PHC3: variants seen among roughly 807,000 people sequenced by gnomAD.
PHC3 encodes the protein polyhomeotic homolog 3, also known as polyhomeotic-like protein 3.
PHC3 carries 13 observed loss-of-function variants against 107.4 expected under a neutral mutation model. The ratio of observed to expected loss-of-function variants is 0.12; its 90% CI spans 0.08 to 0.19. The LOEUF is 0.19. PHC3 is among the 10% of genes least tolerant of loss of function. The pLI is 1.00. For missense variants in PHC3, 992 were observed against 1,210.9 expected (o/e 0.82, Z 2.68); for synonymous variants, 456 against 427.4 (o/e 1.07, Z -0.83).
intron 9 of PHC3, among the ~76,000 whole-genome samples, chr3:170,121,513 A>T (rs1394772200): frequency 6.6e-6 from 1 of 152,182 alleles, no homozygotes; most frequent in African/African-American, 2.4e-5. Context: ...AGTGAATAAG[A>T]ATTTGAATGG....
intron 14 of PHC3, among the ~76,000 whole-genome samples, chr3:170,099,788 C>T (rs1025374116): frequency 8.5e-5 from 13 of 152,120 alleles, no homozygotes; most frequent in African/African-American, 3.1e-4. Flanking sequence ...ATAAACAAGT[C>T]CCAATACTGA....
chr3:170,167,756 T>C (rs1728951626), intron 4 of PHC3, among the ~76,000 whole-genome samples: 1 of 97,970 alleles, frequency 1.0e-5, no homozygotes, highest in Non-Finnish European at 2.2e-5. Context: ...CAAGGCTTCA[T>C]CTCAAAAAAA....
At chr3:170,152,667 CTT>C (rs764287369) in intron 4 of PHC3, among the ~76,000 whole-genome samples, 1 of 144,304 alleles carries the variant, frequency 6.9e-6, no homozygotes, top group Admixed American at 6.9e-5. Flanking sequence ...CACTTTTCTT[CTT>C]TTTTTTTTTG....
chr3:170,146,540 T>C (rs1162817561), intron 5 of PHC3, among the ~76,000 whole-genome samples: 2 of 146,864 alleles, frequency 1.4e-5, no homozygotes, highest in East Asian at 2.0e-4. Flanking sequence ...TTTTTCTTTT[T>C]TTTTTTTTTT....
At chr3:170,168,456 CCAAA>C (rs1432917592) in intron 4 of PHC3, among the ~76,000 whole-genome samples, 1 of 152,038 alleles carries the variant, frequency 6.6e-6, no homozygotes, top group Non-Finnish European at 1.5e-5. Context: ...AGTTTTAGAG[CCAAA>C]CAATCATAAA....
rs1713632966 is a variant in PHC3 at position 170,087,708 on chromosome 3, A to AT, written c.*9521dup. ...CCACTAATCTTCCATCCAGACCCAC[A>AT]TGAAGCAATGTTACAACAATATTCT... On this transcript the variant is annotated 3_prime_UTR_variant, in exon 15 of 15. Coordinates refer to ENST00000495893, the MANE Select transcript of PHC3 (RefSeq NM_024947.4). 2 of 152,208 alleles carry AT rather than the reference A, an allele frequency of 1.3e-5. No individual in the cohort carries two copies. The allele number at this position is 152,208 out of a possible 1,614,324, so 9.4% of individuals were successfully genotyped here.
intron 9 of PHC3, among the ~76,000 whole-genome samples, chr3:170,118,699 C>T (rs1719544219): frequency 6.6e-6 from 1 of 152,072 alleles, no homozygotes; most frequent in Admixed American, 6.6e-5. Context: ...GCGTGAGCCA[C>T]TCACCATGCC....
At chr3:170,105,964 C>A (rs1383086945) in intron 12 of PHC3, among the ~76,000 whole-genome samples, 1 of 152,162 alleles carries the variant, frequency 6.6e-6, no homozygotes, top group Non-Finnish European at 1.5e-5. Flanking sequence ...GTAATCCCAG[C>A]ACTTTGGGAG....
In PHC3 at chr3:170,102,593, G is replaced by A. The variant is rs756993639; in HGVS notation, c.2719C>T (p.Arg907Trp). The A allele has an allele frequency of 5.0e-6, 8 of 1,613,912 alleles. No homozygotes were observed. The highest frequency in any genetic ancestry group is 4.4e-5 in the South Asian group (4 of 91,088). ...QSEREREREL[R>W]DVRIRKMPEN... is the part of the protein sequence containing the mutation. ...GGCATTTTCCGAATTCTCACATCCC[G>A]AAGCTCACGTTCTCTTTCCCGCTCG... is the stretch of plus-strand genomic sequence containing the variant. The change falls in exon 14 of 15, where the codon CGG becomes TGG. Residue 907 changes from arginine to tryptophan, a missense_variant. Arg to Trp is a moderately radical substitution (Grantham distance 101). Coordinates refer to ENST00000495893, the MANE Select transcript of PHC3 (RefSeq NM_024947.4).
rs1022297067 is a variant in PHC3 at position 170,129,375 on chromosome 3, G to A, written c.1097C>T (p.Pro366Leu). 11 of 1,613,864 alleles carry A rather than the reference G, an allele frequency of 6.8e-6. No homozygotes were observed. Among genetic ancestry groups the A allele is most frequent in the African/African-American group, 4.0e-5 (3 of 75,000 alleles). ...QDPPPSQHCIPLQNHGLPPAP... is the reference protein window; with the variant it reads ...QDPPPSQHCILLQNHGLPPAP... ...TGGAGGAAGGCCATGGTTCTGGAGT[G>A]GTATACAGTGCTGGGATGGGGGTGG... Residue 366 changes from proline to leucine, a missense_variant, in exon 8 of 15, where the codon CCA becomes CTA. Transcript: ENST00000495893.
Position 170,122,664 on chromosome 3 carries a change from T to C in PHC3, c.1869A>G (p.Pro623=), listed in dbSNP as rs1577057222. The C allele has an allele frequency of 1.2e-6, 2 of 1,613,826 alleles. No homozygotes were observed. The highest frequency in any genetic ancestry group is 2.7e-5 in the African/African-American group (2 of 74,914). The change falls in exon 9 of 15, where the codon CCA becomes CCG. Residue 623 remains proline (P), a synonymous_variant. Transcript: ENST00000495893. ...TAGCTGCTGGAGACAAAGTGGGTGGTGGTGGGGTTCTATCCATCCGGACAC... is the reference window on the plus strand; with the variant it reads ...TAGCTGCTGGAGACAAAGTGGGTGGCGGTGGGGTTCTATCCATCCGGACAC... The part of the protein sequence containing the change: ...DECVRMDRTP[P]PPTLSPAAIT...
chr3:170,118,381 G>A lies in PHC3; in HGVS notation c.1943-905C>T, dbSNP rs376947285. Among the ~76,000 whole-genome samples the A allele has an allele frequency of 4.6e-5, 7 of 152,092 alleles. No homozygotes were observed. The East Asian group carries it at 1.2e-3, about 25-fold the overall frequency. ...CCACCTCAGCCTCTTGAGTAGGTGG[G>A]ACCACAGGTGTGTGCCACCATGCCT... On this transcript the variant is annotated intron_variant, in intron 9 of 14. Coordinates refer to ENST00000495893, the MANE Select transcript of PHC3 (RefSeq NM_024947.4).
intron 4 of PHC3, among the ~76,000 whole-genome samples, chr3:170,169,380 G>A (rs1729235318): frequency 6.6e-6 from 1 of 152,068 alleles, no homozygotes; most frequent in Admixed American, 6.5e-5. Context: ...CACTACTTAA[G>A]AGATCTGTTA....
chr3:170,144,181 AAG>A (rs998206451), intron 6 of PHC3, among the ~76,000 whole-genome samples: 13 of 151,370 alleles, frequency 8.6e-5, no homozygotes, highest in African/African-American at 2.9e-4. Context: ...AAAAAGAAAA[AAG>A]AAAAAAAATT....
At chr3:170,178,128 G>A (rs1730792182) in intron 2 of PHC3, among the ~76,000 whole-genome samples, 1 of 151,904 alleles carries the variant, frequency 6.6e-6, no homozygotes, top group South Asian at 2.1e-4. Context: ...CACATGAATA[G>A]ACTAAAGGAA....
At chr3:170,103,549 T>G (rs1268369908) in intron 12 of PHC3, among the ~76,000 whole-genome samples, 1 of 152,224 alleles carries the variant, frequency 6.6e-6, no homozygotes, top group Non-Finnish European at 1.5e-5. Flanking sequence ...CACAATAGAC[T>G]GCCTAGTATT....
intron 9 of PHC3, among the ~76,000 whole-genome samples, chr3:170,119,036 T>TAAAAAAAAAAAAAAAA (rs1002478959): frequency 2.9e-3 from 206 of 71,882 alleles, no homozygotes; most frequent in Non-Finnish European, 3.8e-3. Context: ...TATAAAAAGC[T>TAAAAAAAAAAAAAAAA]AAAAAAAAAA....
chr3:170,155,863 A>G lies in PHC3; in HGVS notation c.415-6619T>C, dbSNP rs553402133. ...CTGTGAGAACAGTCACCAAAATGTT[A>G]AAGGTGTATATATATAATGCCTTCT... On this transcript the variant is annotated intron_variant, in intron 4 of 14. Coordinates refer to ENST00000495893, the MANE Select transcript of PHC3 (RefSeq NM_024947.4). Among the ~76,000 whole-genome samples the G allele has an allele frequency of 5.9e-5, 9 of 152,336 alleles. No individual in the cohort carries two copies. In the South Asian group the frequency reaches 1.9e-3, roughly 32 times the overall value.
At position 170,128,941 on chromosome 3, in the gene PHC3, T is replaced by C. The variant is rs375964753; in HGVS notation, c.1531A>G (p.Ile511Val). Reference sequence around the variant, plus strand: ...GTCGACATCTGTGGAGGACTTGCAATTGGGATTGGAGAGGACTGCAGGGAT... The same window carrying C: ...GTCGACATCTGTGGAGGACTTGCAACTGGGATTGGAGAGGACTGCAGGGAT... ...YSSLQSSPIP[I>V]ASPPQMSTSP... The change falls in exon 8 of 15, where the codon ATT (isoleucine) becomes GTT (valine). Residue 511 changes from isoleucine (I) to valine (V), a missense_variant. Ile to Val is a conservative substitution (Grantham distance 29, BLOSUM62 3). Around this residue, in one of 6 missense-constraint regions of PHC3, gnomAD observed 543 missense variants for 590.8 expected, o/e 0.92. Coordinates refer to ENST00000495893, the MANE Select transcript of PHC3 (RefSeq NM_024947.4). 114 of 1,613,816 alleles carry C rather than the reference T, an allele frequency of 7.1e-5. 1 individual carries two copies. In the African/African-American group the frequency reaches 1.3e-3, roughly 19 times the overall value.
Sources: gnomAD v4.1 joint callset for allele counts (sites outside exome capture counted in the v4.1 genomes callset) on GRCh38, gnomAD v4.1.1 for gene constraint, gnomAD v4.1.1 regional missense constraint, MANE v1.5 for transcripts, NCBI Gene and HGNC (gene_info 2026-07-23, HGNC 2026-07-21) for gene names.